The following CADM2 variants were observed in gnomAD, a reference collection of about 807,000 sequenced individuals.
The protein encoded by CADM2 is immunoglobulin superfamily member 4D.
Under a neutral mutation model 49.8 loss-of-function variants are expected in CADM2, and 12 were observed. That is an observed-to-expected ratio of 0.24 (90% CI 0.15 to 0.39). The LOEUF is 0.39. Among genes scored for constraint, CADM2 ranks in the 10% least tolerant of loss-of-function variants. The probability of loss-of-function intolerance (pLI) is 1.00; values close to 1 mark genes in which losing one functional copy is unlikely to be tolerated. For synonymous variants in CADM2, 214 were observed against 175.4 expected, an observed-to-expected ratio of 1.22 and a Z score of -1.74; for missense variants, 378 against 492.3, an observed-to-expected ratio of 0.77 and a Z score of 2.20.
chr3:85,760,986 T>A (rs539469564), intron 2 of CADM2, among the ~76,000 whole-genome samples: 2 of 152,154 alleles, frequency 1.3e-5, no homozygotes, highest in Non-Finnish European at 2.9e-5. Flanking sequence ...CACGCATGAG[T>A]CCTACTGTTA....
chr3:85,205,961 G>A (rs1209471653), intron 1 of CADM2, among the ~76,000 whole-genome samples: 1 of 151,896 alleles, frequency 6.6e-6, no homozygotes, highest in African/African-American at 2.4e-5. Context: ...GCAAACAAAT[G>A]AACATTAAGC....
At chr3:85,607,487 A>G (rs2063566454) in intron 1 of CADM2, among the ~76,000 whole-genome samples, 1 of 152,096 alleles carries the variant, frequency 6.6e-6, no homozygotes, top group African/African-American at 2.4e-5. Context: ...GCATTGTATA[A>G]TTTAAAATAA....
chr3:85,446,969 G>A (rs1438741824), intron 1 of CADM2, among the ~76,000 whole-genome samples: 1 of 122,044 alleles, frequency 8.2e-6, no homozygotes, highest in Non-Finnish European at 1.6e-5. Flanking sequence ...ATATTTAAAT[G>A]ACTTAAGCCT....
At chr3:84,967,931 C>A (rs2031129783) in intron 1 of CADM2, among the ~76,000 whole-genome samples, 1 of 151,944 alleles carries the variant, frequency 6.6e-6, no homozygotes, top group African/African-American at 2.4e-5. Context: ...GTCAGCCAGC[C>A]AAACACACAG....
intron 7 of CADM2, 104 bp from the exon 8 acceptor site, chr3:85,961,365 T>A: frequency 1.1e-6 from 1 of 950,622 alleles, no homozygotes; most frequent in East Asian, 2.7e-5. Context: ...AGCATATGGT[T>A]GTGTACAAAA....
At chr3:86,035,018 G>A (rs1734984075) in intron 8 of CADM2, among the ~76,000 whole-genome samples, 1 of 151,896 alleles carries the variant, frequency 6.6e-6, no homozygotes, top group African/African-American at 2.4e-5. Flanking sequence ...TCCTCTACAT[G>A]TAGTCTTCAT....
chr3:85,470,289 G>A (rs563751256), intron 1 of CADM2, among the ~76,000 whole-genome samples: 6 of 152,214 alleles, frequency 3.9e-5, no homozygotes, highest in Non-Finnish European at 5.9e-5. Context: ...TTCATATAAG[G>A]AGTTAGCAAG....
At chr3:85,453,586 A>AT (rs763489958) in intron 1 of CADM2, among the ~76,000 whole-genome samples, 70 of 151,940 alleles carry the variant, frequency 4.6e-4, no homozygotes, top group Admixed American at 1.2e-3. Flanking sequence ...TTCATCCCAA[A>AT]TTTTTTTTGT....
chr3:85,361,056 CGT>C (rs1268739437), intron 1 of CADM2, among the ~76,000 whole-genome samples: 3 of 152,268 alleles, frequency 2.0e-5, no homozygotes, highest in South Asian at 4.1e-4. Flanking sequence ...TCAGAAAAAA[CGT>C]GTGTCATAGC....
At chr3:85,164,963 C>T (rs2040430679) in intron 1 of CADM2, among the ~76,000 whole-genome samples, 1 of 151,124 alleles carries the variant, frequency 6.6e-6, no homozygotes, top group East Asian at 1.9e-4. Flanking sequence ...TATGTGTGTA[C>T]ATATGTGTGT....
At chr3:85,702,014 A>C (rs201326929) in intron 1 of CADM2, among the ~76,000 whole-genome samples, 1 of 149,200 alleles carries the variant, frequency 6.7e-6, no homozygotes, top group African/African-American at 2.5e-5. Context: ...ATAGATAGAT[A>C]GATAGTTGAT....
chr3:85,036,111 G>T (rs1192987610), intron 1 of CADM2, among the ~76,000 whole-genome samples: 1 of 152,070 alleles, frequency 6.6e-6, no homozygotes, highest in African/African-American at 2.4e-5. Context: ...GTTAGGTTTT[G>T]GTTGTCATAC....
intron 3 of CADM2, among the ~76,000 whole-genome samples, chr3:85,825,111 T>C (rs2073831280): frequency 6.6e-6 from 1 of 152,094 alleles, no homozygotes; most frequent in African/African-American, 2.4e-5. Flanking sequence ...CAAATGCATG[T>C]ATTATATAAA....
At chr3:85,905,947 G>A (rs1716743006) in intron 5 of CADM2, among the ~76,000 whole-genome samples, 1 of 152,108 alleles carries the variant, frequency 6.6e-6, no homozygotes, top group African/African-American at 2.4e-5. Context: ...AGGTAGATGA[G>A]GAGCAGGTTG....
At chr3:85,754,875 G>C (rs550524421) in intron 2 of CADM2, among the ~76,000 whole-genome samples, 10 of 151,896 alleles carry the variant, frequency 6.6e-5, no homozygotes, top group African/African-American at 2.2e-4. Flanking sequence ...TAAAAGCAGC[G>C]TGCAACTCAA....
intron 3 of CADM2, among the ~76,000 whole-genome samples, chr3:85,865,919 G>A (rs1044582309): frequency 2.6e-5 from 4 of 152,086 alleles, no homozygotes; most frequent in African/African-American, 9.7e-5. Context: ...CAACATTTTC[G>A]TGCAAAACTA....
At position 85,490,586 on chromosome 3, in the gene CADM2, A is replaced by T. The variant is rs138354011; in HGVS notation, c.62-235936A>T. 7.0e-4 allele frequency among the ~76,000 whole-genome samples: 106 copies of T among 152,196 alleles called. No homozygotes were observed. In the East Asian group the frequency reaches 9.3e-3, roughly 13 times the overall value. ...GCAACAGAGTGAGACTGTCTCAAAC[A>T]AAAAAACAAAAAATCCAAAATCCAA... On this transcript the variant is annotated intron_variant, in intron 1 of 9. Transcript: ENST00000383699.
At position 86,069,598 on chromosome 3, in the gene CADM2, A is replaced by T. The variant is rs977925682; in HGVS notation, c.*2815A>T. 6.6e-6 allele frequency: 1 copy of T among 152,012 alleles called. No homozygotes were observed. Among genetic ancestry groups the T allele is most frequent in the African/African-American group, 2.4e-5 (1 of 41,448 alleles). The allele number at this position is 152,012 out of a possible 1,614,324, so 9.4% of individuals were successfully genotyped here. ...AATATTTCTAAATGAGAATGATGTC[A>T]ATTTCATTGTCTGGAACATGCACAC... is the stretch of plus-strand genomic sequence containing the variant. On this transcript the variant is annotated 3_prime_UTR_variant, in exon 10 of 10. Transcript: ENST00000383699.
chr3:85,981,731 C>T (rs886974384), intron 8 of CADM2, among the ~76,000 whole-genome samples: 1 of 151,622 alleles, frequency 6.6e-6, no homozygotes, highest in Admixed American at 6.6e-5. Flanking sequence ...GCATATGTAC[C>T]ACATTTTCTT....
Sources: allele counts gnomAD v4.1 joint callset (sites outside exome capture counted in the v4.1 genomes callset), GRCh38; gene constraint gnomAD v4.1.1; transcripts MANE v1.5; gene names NCBI Gene and HGNC (gene_info 2026-07-23, HGNC 2026-07-21).